The following CYSTM1 variants were observed in gnomAD, a reference collection of about 807,000 sequenced individuals.
CYSTM1 encodes cysteine-rich transmembrane module-containing protein 1.
A neutral mutation model predicts 13.1 loss-of-function variants in CYSTM1; 4 were observed. That is an observed-to-expected ratio of 0.31 (90% confidence interval 0.15 to 0.70). CYSTM1 has a LOEUF of 0.70. Ranked by LOEUF, CYSTM1 falls within the 30% of genes least tolerant of loss-of-function variation. The probability of loss-of-function intolerance (pLI) is 0.72; values close to 1 mark genes in which losing one functional copy is unlikely to be tolerated. For synonymous variants in CYSTM1, 36 were observed against 42.7 expected, an observed-to-expected ratio of 0.84 and a Z score of 0.62; for missense variants, 96 against 121.6, an observed-to-expected ratio of 0.79 and a Z score of 0.99.
rs1486263118 is a variant in CYSTM1, at chr5:140,194,558, G to T, written c.93G>T (p.Met31Ile). 6.2e-7 allele frequency: 1 copy of T among 1,613,494 alleles called. No individual in the cohort carries two copies. The highest frequency in any genetic ancestry group is 8.5e-7 in the Non-Finnish European group (1 of 1,179,770). ...YPPQPMGPGPMGGPYPPPQGY... is the reference protein window; with the variant it reads ...YPPQPMGPGPIGGPYPPPQGY... ...CACAACCAATGGGTCCAGGACCTAT[G>T]GGGGGACCCTACCCACCTCCTCAAG... The change falls in exon 2 of 3, where the codon ATG becomes ATT. Residue 31 changes from methionine (M) to isoleucine (I), a missense_variant. Met to Ile is a conservative substitution (Grantham distance 10). Coordinates refer to ENST00000261811, the MANE Select transcript of CYSTM1 (RefSeq NM_032412.4).
intron 1 of CYSTM1, among the ~76,000 whole-genome samples, chr5:140,178,975 G>A (rs144805542): frequency 2.5e-4 from 38 of 151,982 alleles, no homozygotes; most frequent in African/African-American, 8.7e-4. Context: ...TAATCAGCCT[G>A]TAATCAAGAT....
chr5:140,201,757 A>T (rs1034662172), intron 2 of CYSTM1: 4 of 152,190 alleles, frequency 2.6e-5, no homozygotes, highest in Admixed American at 1.3e-4. Context: ...GCTACAAGTG[A>T]TAGAACCTTA....
chr5:140,187,018 C>G (rs1413731525), intron 1 of CYSTM1, among the ~76,000 whole-genome samples: 1 of 151,992 alleles, frequency 6.6e-6, no homozygotes, highest in East Asian at 1.9e-4. Context: ...CCCAGCTGCC[C>G]TGGAGGCTGA....
intron 1 of CYSTM1, among the ~76,000 whole-genome samples, chr5:140,187,989 A>AGTAATG (rs1764038339): frequency 6.6e-6 from 1 of 152,190 alleles, no homozygotes; most frequent in African/African-American, 2.4e-5. Flanking sequence ...GAGGAAAATA[A>AGTAATG]GTAATGAGAA....
intron 1 of CYSTM1, among the ~76,000 whole-genome samples, chr5:140,193,649 G>T (rs1250118093): frequency 2.6e-5 from 4 of 152,198 alleles, no homozygotes. Context: ...GAAACAAGAC[G>T]CTGGCCCTGA....
chr5:140,206,277 G>A (rs1299389168), intron 2 of CYSTM1, among the ~76,000 whole-genome samples: 1 of 137,694 alleles, frequency 7.3e-6, no homozygotes, highest in East Asian at 2.1e-4. Flanking sequence ...GGCACTCTCT[G>A]TCCCTGTTCT....
At chr5:140,229,585 G>A (rs910357809) in intron 2 of CYSTM1, among the ~76,000 whole-genome samples, 1 of 152,064 alleles carries the variant, frequency 6.6e-6, no homozygotes, top group Non-Finnish European at 1.5e-5. Flanking sequence ...TTTAGTCTTT[G>A]AAAACTCATT....
intron 1 of CYSTM1, among the ~76,000 whole-genome samples, chr5:140,177,073 A>AAAAAAAAAAAAAAAAAACAAAC (rs1763898738): frequency 6.6e-6 from 1 of 150,500 alleles, no homozygotes; most frequent in African/African-American, 2.5e-5. Flanking sequence ...TGTCTCAAAA[A>AAAAAAAAAAAAAAAAAACAAAC]AAAAAAAAAA....
intron 1 of CYSTM1, among the ~76,000 whole-genome samples, chr5:140,193,272 G>T (rs1431355654): frequency 2.8e-5 from 1 of 35,814 alleles, no homozygotes; most frequent in Non-Finnish European, 7.0e-5. Context: ...CCCAGTAATT[G>T]TTTGTTTGTT....
intron 2 of CYSTM1, among the ~76,000 whole-genome samples, chr5:140,195,253 T>G (rs1764140257): frequency 1.3e-5 from 2 of 152,276 alleles, no homozygotes; most frequent in East Asian, 1.9e-4. Context: ...AGTAAACATT[T>G]AGAAACTTTT....
At chr5:140,215,282 A>G (rs1764413307) in intron 2 of CYSTM1, among the ~76,000 whole-genome samples, 1 of 152,212 alleles carries the variant, frequency 6.6e-6, no homozygotes, top group East Asian at 1.9e-4. Flanking sequence ...AAATCAGGAC[A>G]TGACATAGAA....
rs533243949 is a variant in CYSTM1 at position 140,241,361 on chromosome 5, C to T, written c.188-1944C>T. 2.6e-5 allele frequency among the ~76,000 whole-genome samples: 4 copies of T among 152,322 alleles called. No individual in the cohort carries two copies. The South Asian group carries it at 6.2e-4, about 24-fold the overall frequency. On this transcript the variant is annotated intron_variant, in intron 2 of 2. Coordinates refer to ENST00000261811, the MANE Select transcript of CYSTM1 (RefSeq NM_032412.4). ...GTCCTGATGCCCATGCCCCACACGGCGGTCATGAAGACTGAGTGGCCCCAT... is the reference window on the plus strand; with the variant it reads ...GTCCTGATGCCCATGCCCCACACGGTGGTCATGAAGACTGAGTGGCCCCAT...
At chr5:140,238,688 T>C (rs895652109) in intron 2 of CYSTM1, among the ~76,000 whole-genome samples, 1 of 152,246 alleles carries the variant, frequency 6.6e-6, no homozygotes, top group Non-Finnish European at 1.5e-5. Flanking sequence ...GTCTCATGGC[T>C]GTCTTGACGT....
chr5:140,232,873 G>C (rs1764633093), intron 2 of CYSTM1, among the ~76,000 whole-genome samples: 1 of 152,172 alleles, frequency 6.6e-6, no homozygotes, highest in South Asian at 2.1e-4. Flanking sequence ...ATGTCACTCA[G>C]CTTTGAGCCT....
In CYSTM1 at chr5:140,213,006, TATATGA is replaced by T. The variant is rs1400216824; in HGVS notation, c.187+18355_187+18360del. Among the ~76,000 whole-genome samples, 19 of 129,580 alleles carry T rather than the reference TATATGA, an allele frequency of 1.5e-4. 2 individuals are homozygous for T. The South Asian group carries it at 2.2e-3, about 15-fold the overall frequency. The allele number at this position is 129,580 out of a possible 152,430, so 85.0% of individuals were successfully genotyped here. On this transcript the variant is annotated intron_variant, in intron 2 of 2. Transcript: ENST00000261811. ...AAGTATATATATATATATATATATA[TATATGA>T]GAGAGAGAGACAGAGAGAGAGAGAA...
At chr5:140,188,550 G>C (rs1217467788) in intron 1 of CYSTM1, among the ~76,000 whole-genome samples, 2 of 152,184 alleles carry the variant, frequency 1.3e-5, no homozygotes, top group African/African-American at 4.8e-5. Flanking sequence ...CCAGCACTTT[G>C]GGAGGCCGAG....
At chr5:140,194,683 TC>T (rs1764134886) in intron 2 of CYSTM1, 31 bp downstream of exon 2, 1 of 1,576,968 alleles carries the variant, frequency 6.3e-7, no homozygotes, top group African/African-American at 1.4e-5. Flanking sequence ...GGGTGTGCAG[TC>T]CCGTGTCACT....
chr5:140,194,301 G>A (rs2126657347), intron 1 of CYSTM1, 145 bp from the exon 2 acceptor site: 1 of 735,372 alleles, frequency 1.4e-6, no homozygotes, highest in Non-Finnish European at 2.1e-6. Flanking sequence ...ATGGTGAGAA[G>A]GAAACAAAAT....
chr5:140,226,582 A>T (rs13172171), intron 2 of CYSTM1, among the ~76,000 whole-genome samples: 4 of 84,732 alleles, frequency 4.7e-5, no homozygotes, highest in African/African-American at 1.3e-4. Flanking sequence ...TTATATACTA[A>T]ATATTATATA....
Sources: allele counts gnomAD v4.1 joint callset (sites outside exome capture counted in the v4.1 genomes callset), GRCh38; gene constraint gnomAD v4.1.1; transcripts MANE v1.5; gene names NCBI Gene and HGNC (gene_info 2026-07-23, HGNC 2026-07-21).